ALDH1A2: variants seen among roughly 807,000 people sequenced by gnomAD.
ALDH1A2 encodes the protein aldehyde dehydrogenase 1 family member A2, also known as retinal dehydrogenase 2.
Under a neutral mutation model 60.3 loss-of-function variants are expected in ALDH1A2, and 27 were observed. That is an observed-to-expected ratio of 0.45 (90% confidence interval 0.33 to 0.62). The LOEUF (loss-of-function observed/expected upper bound fraction) is 0.62, where lower values mean the gene tolerates loss of function less well. ALDH1A2 is among the 20% of genes least tolerant of loss of function. The probability of loss-of-function intolerance (pLI) is 0.02; values close to 1 mark genes in which losing one functional copy is unlikely to be tolerated. For missense variants in ALDH1A2, 581 were observed against 643.8 expected (o/e 0.90, Z 1.06); for synonymous variants, 289 against 232.4 (o/e 1.24, Z -2.21).
chr15:58,050,709 T>A (rs1246603732), intron 1 of ALDH1A2, among the ~76,000 whole-genome samples: 1 of 152,184 alleles, frequency 6.6e-6, no homozygotes, highest in Non-Finnish European at 1.5e-5. Context: ...TCAAGTGAAT[T>A]TGATACACAG....
rs760262226 is a variant in ALDH1A2 at position 58,065,671 on chromosome 15, T to C, written c.-21A>G. Reference sequence around the variant, plus strand: ...GTCATGGTGGCGGGCCGGGTGTCCCTAGCCCGCGGCGTGGGGCAGTGCGGG... The same window carrying C: ...GTCATGGTGGCGGGCCGGGTGTCCCCAGCCCGCGGCGTGGGGCAGTGCGGG... On this transcript the variant is annotated 5_prime_UTR_variant, in exon 1 of 13. Transcript: ENST00000249750. The C allele has an allele frequency of 1.7e-5, 26 of 1,538,442 alleles. No homozygotes were observed. Among genetic ancestry groups the C allele is most frequent in the Non-Finnish European group, 2.0e-5 (23 of 1,134,124 alleles).
At chr15:58,015,687 T>A (rs528239075) in intron 1 of ALDH1A2, among the ~76,000 whole-genome samples, 1 of 152,294 alleles carries the variant, frequency 6.6e-6, no homozygotes, top group South Asian at 2.1e-4. Flanking sequence ...GAAGCAGGGT[T>A]TTCTCTCTAT....
At chr15:58,045,929 C>A (rs1212117810) in intron 1 of ALDH1A2, among the ~76,000 whole-genome samples, 1 of 151,952 alleles carries the variant, frequency 6.6e-6, no homozygotes, top group Non-Finnish European at 1.5e-5. Flanking sequence ...TAGAGACACT[C>A]CACACATGCA....
intron 7 of ALDH1A2, among the ~76,000 whole-genome samples, chr15:57,971,070 A>C (rs1191509868): frequency 6.6e-6 from 1 of 152,180 alleles, no homozygotes; most frequent in Non-Finnish European, 1.5e-5. Context: ...AATTCAGATT[A>C]TGAAGGCCAG....
chr15:58,023,190 AG>A (rs1399767775), intron 1 of ALDH1A2, among the ~76,000 whole-genome samples: 4 of 152,240 alleles, frequency 2.6e-5, no homozygotes, highest in Admixed American at 6.5e-5. Flanking sequence ...AATTCATTGA[AG>A]GGAAAAAAAT....
chr15:57,986,571 C>CAAAAAAAAAAAAAAA (rs71116542), intron 7 of ALDH1A2, among the ~76,000 whole-genome samples: 1 of 82,076 alleles, frequency 1.2e-5, no homozygotes, highest in Non-Finnish European at 2.2e-5. Context: ...ACAGAAAAGC[C>CAAAAAAAAAAAAAAA]AAAAAAAAAA....
chr15:58,025,442 A>G (rs1001825577), intron 1 of ALDH1A2, among the ~76,000 whole-genome samples: 8 of 152,232 alleles, frequency 5.3e-5, no homozygotes, highest in Non-Finnish European at 1.2e-4. Flanking sequence ...GAAACATATA[A>G]GCTACCAAGA....
chr15:57,982,181 A>C (rs1894538505), intron 7 of ALDH1A2, among the ~76,000 whole-genome samples: 1 of 152,242 alleles, frequency 6.6e-6, no homozygotes, highest in African/African-American at 2.4e-5. Context: ...AACACATTCA[A>C]ATCATCTTTC....
intron 5 of ALDH1A2, among the ~76,000 whole-genome samples, 173 bp from the exon 6 acceptor site, chr15:57,993,246 C>T (rs1488747312): frequency 6.6e-6 from 1 of 152,134 alleles, no homozygotes; most frequent in Non-Finnish European, 1.5e-5. Context: ...TAGCACTGAC[C>T]TTGGAAATCT....
At chr15:57,955,340 CTGGGG>C in intron 12 of ALDH1A2, 71 bp from the exon 13 acceptor site, 1 of 1,521,016 alleles carries the variant, frequency 6.6e-7, no homozygotes, top group South Asian at 1.1e-5. Flanking sequence ...AGCGGGAGTC[CTGGGG>C]AGGTGCAGTT....
chr15:58,007,381 T>C (rs1306886254), intron 4 of ALDH1A2, among the ~76,000 whole-genome samples: 1 of 151,960 alleles, frequency 6.6e-6, no homozygotes, highest in Non-Finnish European at 1.5e-5. Context: ...AAATCTGCAC[T>C]GGGGTAAAGA....
At chr15:57,955,679 C>G (rs1893498781) in intron 12 of ALDH1A2, among the ~76,000 whole-genome samples, 1 of 152,148 alleles carries the variant, frequency 6.6e-6, no homozygotes, top group South Asian at 2.1e-4. Context: ...TCTCTGAACG[C>G]CTTGGCCATG....
At chr15:57,998,214 G>C (rs1280034854) in intron 4 of ALDH1A2, among the ~76,000 whole-genome samples, 1 of 152,000 alleles carries the variant, frequency 6.6e-6, no homozygotes, top group Non-Finnish European at 1.5e-5. Flanking sequence ...TCTCAGGCAA[G>C]AGAAAGAAAT....
chr15:57,987,029 A>C (rs1278703211), intron 7 of ALDH1A2, among the ~76,000 whole-genome samples: 3 of 152,138 alleles, frequency 2.0e-5, no homozygotes, highest in Admixed American at 6.5e-5. Context: ...AGAAAATATA[A>C]GATATTTAAA....
intron 7 of ALDH1A2, chr15:57,990,553 A>G (rs1025781629): frequency 2.0e-5 from 3 of 152,202 alleles, no homozygotes; most frequent in Admixed American, 1.3e-4. Context: ...CTTGTTTGAC[A>G]TATTATGCTG....
In ALDH1A2 at chr15:57,972,187, G is replaced by GCAAA. The variant is rs545844252; in HGVS notation, c.799-6364_799-6361dup. Among the ~76,000 whole-genome samples, 103 of 152,278 alleles carry GCAAA rather than the reference G, an allele frequency of 6.8e-4. 3 individuals carry two copies. The South Asian group carries it at 0.018, about 26-fold the overall frequency. ...ACTCACAGAGGTCAAGAAATGACTT[G>GCAAA]CAAACAGGCACCCACTGAGTGGCAG... On this transcript the variant is annotated intron_variant, in intron 7 of 12. Transcript: ENST00000249750.
At position 57,993,021 on chromosome 15, in the gene ALDH1A2, C is replaced by A. The variant is rs779663083; in HGVS notation, c.608G>T (p.Cys203Phe). ...FAWKIAPALC[C>F]GNTVVIKPAE... ...TGGCTTAATAACTACTGTATTGCCACAGCACAAAGCTGGAGCTATTTTCCA... is the reference window on the plus strand; with the variant it reads ...TGGCTTAATAACTACTGTATTGCCAAAGCACAAAGCTGGAGCTATTTTCCA... The change falls in exon 6 of 13, where the codon TGT (cysteine) becomes TTT (phenylalanine). Residue 203 changes from cysteine (C) to phenylalanine (F), a missense_variant. Cys to Phe is a radical substitution (Grantham distance 205). Around this residue, in one of 2 missense-constraint regions of ALDH1A2, gnomAD observed 375 missense variants for 469.7 expected, o/e 0.80. Coordinates refer to ENST00000249750, the MANE Select transcript of ALDH1A2 (RefSeq NM_003888.4). 1 of 1,613,566 alleles carries A rather than the reference C, an allele frequency of 6.2e-7. No individual in the cohort carries two copies. The highest frequency in any genetic ancestry group is 8.5e-7 in the Non-Finnish European group (1 of 1,179,968).
intron 12 of ALDH1A2, among the ~76,000 whole-genome samples, chr15:57,958,217 C>CACACACACACACAG (rs1893602269): frequency 6.6e-6 from 1 of 152,140 alleles, no homozygotes; most frequent in Non-Finnish European, 1.5e-5. Flanking sequence ...CACGCACGCA[C>CACACACACACACAG]ACACACACAT....
At chr15:58,022,944 A>G (rs1353900936) in intron 1 of ALDH1A2, among the ~76,000 whole-genome samples, 1 of 152,230 alleles carries the variant, frequency 6.6e-6, no homozygotes, top group Non-Finnish European at 1.5e-5. Context: ...GACAACATGA[A>G]AAAGCGAAGA....
Sources: gnomAD v4.1 joint callset for allele counts (sites outside exome capture counted in the v4.1 genomes callset) on GRCh38, gnomAD v4.1.1 for gene constraint, gnomAD v4.1.1 regional missense constraint, MANE v1.5 for transcripts, NCBI Gene and HGNC (gene_info 2026-07-23, HGNC 2026-07-21) for gene names.